Variants in LRIG1 observed in about 807,000 individuals in gnomAD.
The protein encoded by LRIG1 is leucine-rich repeats and immunoglobulin-like domains protein 1.
LRIG1 carries 48 observed loss-of-function variants against 99.2 expected under a neutral mutation model. The ratio of observed to expected loss-of-function variants is 0.48; its 90% confidence interval spans 0.38 to 0.62. The LOEUF (loss-of-function observed/expected upper bound fraction) is 0.62. LRIG1 is among the 20% of genes least tolerant of loss of function. The probability of loss-of-function intolerance (pLI) is 0.00; values close to 1 mark genes in which losing one functional copy is unlikely to be tolerated. For missense variants in LRIG1, 1,646 were observed against 1,434.4 expected (o/e 1.15, Z -2.38); for synonymous variants, 772 against 596.1 (o/e 1.29, Z -4.30).
intron 3 of LRIG1, among the ~76,000 whole-genome samples, chr3:66,422,004 T>C (rs1702833242): frequency 6.6e-6 from 1 of 152,230 alleles, no homozygotes; most frequent in Admixed American, 6.5e-5. Context: ...CCGTGCTCTA[T>C]GTTGCCCCTT....
intron 3 of LRIG1, among the ~76,000 whole-genome samples, chr3:66,443,265 C>T (rs1703602772): frequency 7.0e-6 from 1 of 143,828 alleles, no homozygotes; most frequent in African/African-American, 2.6e-5. Context: ...CATAAAAGCC[C>T]GCCTGTTGAA....
At chr3:66,464,505 T>TAAAA (rs67690348) in intron 1 of LRIG1, among the ~76,000 whole-genome samples, 3 of 145,330 alleles carry the variant, frequency 2.1e-5, no homozygotes, top group Non-Finnish European at 3.0e-5. Flanking sequence ...CTTTATTACT[T>TAAAA]AAAAAAAAAA....
Position 66,383,361 on chromosome 3 carries a change from T to A in LRIG1, c.2112A>T (p.Val704=), listed in dbSNP as rs377536698. The A allele has an allele frequency of 4.2e-5, 67 of 1,579,426 alleles. No homozygotes were observed. Among genetic ancestry groups the A allele is most frequent in the Non-Finnish European group, 5.4e-5 (62 of 1,157,742 alleles). ...SLVVPLEDRV[V]SVGETVALQC... ...GGAGGGCCACTGTTTCTCCCACAGATACCACACGGTCTTCCAAGGGGACCA... is the reference window on the plus strand; with the variant it reads ...GGAGGGCCACTGTTTCTCCCACAGAAACCACACGGTCTTCCAAGGGGACCA... Residue 704 remains valine (V), a synonymous_variant, in exon 15 of 19, where the codon GTA becomes GTT. Transcript: ENST00000273261.
chr3:66,406,391 C>A, intron 8 of LRIG1: 1 of 985,468 alleles, frequency 1.0e-6, no homozygotes, highest in Non-Finnish European at 1.2e-6. Flanking sequence ...TCTGAATGTT[C>A]CCAGCCTTGT....
intron 8 of LRIG1, among the ~76,000 whole-genome samples, chr3:66,406,756 C>T (rs534419910): frequency 3.9e-4 from 59 of 152,158 alleles, no homozygotes; most frequent in Non-Finnish European, 6.3e-4. Flanking sequence ...TTAGGGACTT[C>T]AAGGGAAATG....
intron 13 of LRIG1, 47 bp from the exon 14 acceptor site, chr3:66,384,319 C>A: frequency 6.4e-7 from 1 of 1,572,312 alleles, no homozygotes; most frequent in South Asian, 1.2e-5. Context: ...CAGCTAGATG[C>A]AAAACCAGGA....
At chr3:66,469,934 G>A (rs932533088) in intron 1 of LRIG1, among the ~76,000 whole-genome samples, 3 of 144,752 alleles carry the variant, frequency 2.1e-5, no homozygotes, top group East Asian at 2.0e-4. Flanking sequence ...AAAGAATACT[G>A]ACCAAATAAC....
chr3:66,437,128 G>A (rs1703386929), intron 3 of LRIG1, among the ~76,000 whole-genome samples: 1 of 152,220 alleles, frequency 6.6e-6, no homozygotes, highest in Admixed American at 6.5e-5. Flanking sequence ...AGTGGGGAAC[G>A]GGTGGCATCT....
At chr3:66,384,942 G>A (rs1701295690) in intron 13 of LRIG1, among the ~76,000 whole-genome samples, 1 of 152,180 alleles carries the variant, frequency 6.6e-6, no homozygotes, top group Admixed American at 6.5e-5. Flanking sequence ...CGGAAGCTGT[G>A]AGGACTTGGA....
chr3:66,381,110 G>A (rs573941209), intron 17 of LRIG1, among the ~76,000 whole-genome samples: 17 of 152,280 alleles, frequency 1.1e-4, no homozygotes, highest in East Asian at 3.9e-4. Flanking sequence ...ACTGCTTCAC[G>A]GGGGAAAAGC....
rs77306901 is a variant in LRIG1 at position 66,485,572 on chromosome 3, G to A, written c.218+14618C>T. On this transcript the variant is annotated intron_variant, in intron 1 of 18. Transcript: ENST00000273261. ...GATCATAAAGCCAACAAATATACAC[G>A]CATTTGAGAAAAACACTTTCCAAAC... Among the ~76,000 whole-genome samples the A allele has an allele frequency of 4.4e-3, 677 of 152,158 alleles. 3 individuals are homozygous for A. Among genetic ancestry groups the A allele is most frequent in the African/African-American group, 0.015 (639 of 41,508 alleles).
intron 1 of LRIG1, among the ~76,000 whole-genome samples, chr3:66,483,697 G>A (rs867334046): frequency 1.3e-5 from 2 of 152,220 alleles, no homozygotes; most frequent in East Asian, 1.9e-4. Context: ...GTCTATGGAA[G>A]AAGCCACCCT....
chr3:66,490,717 C>T (rs938885041), intron 1 of LRIG1, among the ~76,000 whole-genome samples: 4 of 152,088 alleles, frequency 2.6e-5, no homozygotes, highest in African/African-American at 7.2e-5. Flanking sequence ...GGTGTATAAT[C>T]GGTTATCATA....
At chr3:66,481,520 T>C (rs1700851546) in intron 1 of LRIG1, among the ~76,000 whole-genome samples, 1 of 149,962 alleles carries the variant, frequency 6.7e-6, no homozygotes, top group Non-Finnish European at 1.5e-5. Flanking sequence ...AGGGTTTATG[T>C]ACACACACAC....
intron 1 of LRIG1, among the ~76,000 whole-genome samples, chr3:66,489,543 G>A (rs1398046958): frequency 6.7e-6 from 1 of 148,712 alleles, no homozygotes; most frequent in East Asian, 1.9e-4. Flanking sequence ...GTGTGTGTGT[G>A]TGTGTGTGTC....
intron 2 of LRIG1, among the ~76,000 whole-genome samples, chr3:66,456,985 G>A (rs1223909836): frequency 6.6e-6 from 1 of 152,174 alleles, no homozygotes; most frequent in African/African-American, 2.4e-5. Flanking sequence ...AGTGAAGACC[G>A]TGTGGCTTGG....
At chr3:66,406,467 C>T in intron 8 of LRIG1, 1 of 971,168 alleles carries the variant, frequency 1.0e-6, no homozygotes, top group Non-Finnish European at 1.2e-6. Context: ...GCCTCTTTCA[C>T]ACTCCCTGGC....
At chr3:66,429,341 C>T (rs1449955794) in intron 3 of LRIG1, among the ~76,000 whole-genome samples, 1 of 152,112 alleles carries the variant, frequency 6.6e-6, no homozygotes, top group East Asian at 1.9e-4. Context: ...CTAGAGTGAC[C>T]CAACTCATGA....
chr3:66,448,654 T>C (rs374000374), intron 3 of LRIG1, among the ~76,000 whole-genome samples: 1 of 152,206 alleles, frequency 6.6e-6, no homozygotes, highest in Non-Finnish European at 1.5e-5. Context: ...CCCTGACTTT[T>C]CTGTGATGCA....
Sources: gnomAD v4.1 joint callset for allele counts (sites outside exome capture counted in the v4.1 genomes callset) on GRCh38, gnomAD v4.1.1 for gene constraint, MANE v1.5 for transcripts, NCBI Gene and HGNC (gene_info 2026-07-23, HGNC 2026-07-21) for gene names.